The following XRN1 variants were observed in gnomAD, a reference collection of about 807,000 sequenced individuals.
The protein encoded by XRN1 is strand-exchange protein 1 homolog.
A neutral mutation model predicts 222.3 loss-of-function variants in XRN1; 67 were observed. The ratio of observed to expected loss-of-function variants is 0.30; its 90% confidence interval spans 0.25 to 0.37. XRN1 has a LOEUF of 0.37. Among genes scored for constraint, XRN1 ranks in the 10% least tolerant of loss-of-function variants. The pLI, the probability that XRN1 is intolerant of heterozygous loss-of-function variation, is 1.00. For synonymous variants in XRN1, 643 were observed against 652.4 expected, an observed-to-expected ratio of 0.99 and a Z score of 0.22; for missense variants, 1,707 against 2,000.2, an observed-to-expected ratio of 0.85 and a Z score of 2.80.
At chr3:142,367,165 T>G (rs1235994714) in intron 27 of XRN1, among the ~76,000 whole-genome samples, 1 of 152,108 alleles carries the variant, frequency 6.6e-6, no homozygotes, top group Non-Finnish European at 1.5e-5. Context: ...TGCCTGCATG[T>G]AGTCCCAGCT....
At chr3:142,423,418 C>T (rs556166771) in intron 6 of XRN1, 142 bp downstream of exon 6, 21 of 505,758 alleles carry the variant, frequency 4.2e-5, no homozygotes, top group African/African-American at 2.0e-4. Flanking sequence ...AAATTAAAAA[C>T]GTTTGTGCAT....
At chr3:142,424,356 A>G (rs988051981) in intron 5 of XRN1, among the ~76,000 whole-genome samples, 15 of 152,168 alleles carry the variant, frequency 9.9e-5, no homozygotes, top group African/African-American at 3.6e-4. Flanking sequence ...TCGGCCTCCC[A>G]AAGAGATGGG....
intron 1 of XRN1, among the ~76,000 whole-genome samples, chr3:142,438,608 AT>A (rs1234412988): frequency 7.2e-5 from 11 of 152,060 alleles, no homozygotes; most frequent in African/African-American, 2.7e-4. Context: ...CGCCCCTAAG[AT>A]GTATTCTGGA....
chr3:142,332,599 T>C (rs923490133), intron 35 of XRN1, 65 bp from the exon 36 acceptor site: 7 of 1,377,186 alleles, frequency 5.1e-6, no homozygotes, highest in Middle Eastern at 1.9e-4. Flanking sequence ...ATTACATCTG[T>C]AGAACTTATT....
At chr3:142,358,541 T>G (rs918468277) in intron 30 of XRN1, among the ~76,000 whole-genome samples, 2 of 152,166 alleles carry the variant, frequency 1.3e-5, no homozygotes, top group Admixed American at 6.5e-5. Context: ...TGCAGGCAGG[T>G]AATCTTTTAC....
chr3:142,409,322 T>C (rs985282234), intron 15 of XRN1, among the ~76,000 whole-genome samples: 8 of 152,344 alleles, frequency 5.3e-5, no homozygotes, highest in African/African-American at 1.9e-4. Flanking sequence ...TTTAGATCTA[T>C]GACATATTTT....
At chr3:142,445,235 C>A (rs1224922516) in intron 1 of XRN1, among the ~76,000 whole-genome samples, 2 of 151,992 alleles carry the variant, frequency 1.3e-5, no homozygotes, top group Admixed American at 6.6e-5. Flanking sequence ...TCTGTCATCT[C>A]ATTCTCACAT....
intron 22 of XRN1, among the ~76,000 whole-genome samples, chr3:142,382,423 C>T (rs148983167): frequency 9.4e-4 from 143 of 152,202 alleles, no homozygotes; most frequent in African/African-American, 2.8e-3. Flanking sequence ...TTCCTGTTTT[C>T]CCCCCAGTGG....
rs567940947 is a variant in XRN1, at chr3:142,349,715, A to T, written c.3769-2373T>A. On this transcript the variant is annotated intron_variant, in intron 32 of 40. Coordinates refer to ENST00000392981, the MANE Select transcript of XRN1 (RefSeq NM_001282857.2). ...TGAAAGCTTGAATATTTCTTATCAC[A>T]GTGAATTCTCTTGAATTTGCTCATC... Among the ~76,000 whole-genome samples, 12 of 152,270 alleles carry T rather than the reference A, an allele frequency of 7.9e-5. No individual in the cohort carries two copies. The South Asian group carries it at 2.5e-3, about 32-fold the overall frequency.
chr3:142,371,225 T>A lies in XRN1; in HGVS notation c.3068+14A>T, dbSNP rs780574337. 3 of 1,600,564 alleles carry A rather than the reference T, an allele frequency of 1.9e-6. No homozygotes were observed. The South Asian group carries it at 3.3e-5, about 18-fold the overall frequency. ...TTGAACTATGAGGTAATAAATATCA[T>A]AAATCTTGCTTACCCATTCTCATTT... On this transcript the variant is annotated intron_variant, in intron 26 of 40. Transcript: ENST00000392981.
Position 142,311,682 on chromosome 3 carries a change from T to C in XRN1, c.4914A>G (p.Ser1638=), listed in dbSNP as rs1157941020. ...NIVKVSPRES[S]SASLKSSPIA... is the part of the protein sequence containing the mutation. Reference sequence around the variant, plus strand: ...TCGGAGAGGACTTCAAAGAAGCTGATGAGCTCTCCCGTGGACTTACTTTGA... The same window carrying C: ...TCGGAGAGGACTTCAAAGAAGCTGACGAGCTCTCCCGTGGACTTACTTTGA... The change falls in exon 41 of 41, where the codon TCA becomes TCG. Residue 1638 remains serine (S), a synonymous_variant. Coordinates refer to ENST00000392981, the MANE Select transcript of XRN1 (RefSeq NM_001282857.2). 1.9e-6 allele frequency: 3 copies of C among 1,614,172 alleles called. No homozygotes were observed. Among genetic ancestry groups the C allele is most frequent in the African/African-American group, 2.7e-5 (2 of 75,056 alleles).
chr3:142,342,445 T>C (rs958194345), intron 33 of XRN1, among the ~76,000 whole-genome samples: 1 of 152,112 alleles, frequency 6.6e-6, no homozygotes, highest in South Asian at 2.1e-4. Flanking sequence ...AAAACAATCA[T>C]AAAATTTACA....
chr3:142,376,325 T>C (rs2067141577), intron 24 of XRN1, 154 bp downstream of exon 24: 1 of 735,628 alleles, frequency 1.4e-6, no homozygotes, highest in African/African-American at 1.8e-5. Context: ...ACATGTGCCA[T>C]TCAGATGAAA....
intron 20 of XRN1, among the ~76,000 whole-genome samples, chr3:142,396,201 T>A (rs1218887171): frequency 6.6e-6 from 1 of 152,224 alleles, no homozygotes; most frequent in African/African-American, 2.4e-5. Flanking sequence ...CAATGTTACA[T>A]ATATAAACAA....
intron 32 of XRN1, among the ~76,000 whole-genome samples, chr3:142,353,330 T>C (rs2066368616): frequency 6.6e-6 from 1 of 152,128 alleles, no homozygotes. Context: ...CATGATTACA[T>C]GGAACCAGAA....
At chr3:142,332,254 T>C in intron 36 of XRN1, 121 bp downstream of exon 36, 1 of 861,308 alleles carries the variant, frequency 1.2e-6, no homozygotes, top group Non-Finnish European at 1.7e-6. Context: ...ACACCATCTC[T>C]AAAATAAATA....
intron 1 of XRN1, among the ~76,000 whole-genome samples, chr3:142,437,979 C>CA (rs2069998457): frequency 6.6e-6 from 1 of 152,114 alleles, no homozygotes; most frequent in Non-Finnish European, 1.5e-5. Flanking sequence ...AAACGCAAAT[C>CA]AAAACTACAA....
At chr3:142,338,040 T>C (rs1309030489) in intron 33 of XRN1, among the ~76,000 whole-genome samples, 1 of 152,180 alleles carries the variant, frequency 6.6e-6, no homozygotes, top group Non-Finnish European at 1.5e-5. Flanking sequence ...CCTGAAAGGC[T>C]GTCCAGGCCA....
At chr3:142,400,408 A>G in intron 19 of XRN1, 36 bp downstream of exon 19, 5 of 1,520,502 alleles carry the variant, frequency 3.3e-6, no homozygotes, top group Non-Finnish European at 4.5e-6. Context: ...CAAAGCAAAT[A>G]TATGTTAGAA....
Sources: allele counts gnomAD v4.1 joint callset (sites outside exome capture counted in the v4.1 genomes callset), GRCh38; gene constraint gnomAD v4.1.1; transcripts MANE v1.5; gene names NCBI Gene and HGNC (gene_info 2026-07-23, HGNC 2026-07-21).